Variants in RNF20 observed in about 807,000 individuals in gnomAD.
The protein encoded by RNF20 is E3 ubiquitin-protein ligase BRE1A.
Under a neutral mutation model 126.2 loss-of-function variants are expected in RNF20, and 84 were observed. The observed-to-expected ratio is 0.67, with a 90% CI of 0.56 to 0.80. The LOEUF (loss-of-function observed/expected upper bound fraction) is 0.80, where lower values mean the gene tolerates loss of function less well. Ranked by LOEUF, RNF20 falls within the 30% of genes least tolerant of loss-of-function variation. RNF20 has a pLI of 0.00. For synonymous variants in RNF20, 400 were observed against 414.3 expected, an observed-to-expected ratio of 0.97 and a Z score of 0.42; for missense variants, 869 against 1,188.2, an observed-to-expected ratio of 0.73 and a Z score of 3.95.
Position 101,541,633 on chromosome 9 carries a change from GATA to G in RNF20, c.628+662_628+664del, listed in dbSNP as rs1185049728. ...TGTATGTAGGCTATTGATTTATAGT[GATA>G]ATACTTTATTTTAAATAACAACTAT... is the stretch of plus-strand genomic sequence containing the variant. On this transcript the variant is annotated intron_variant, in intron 5 of 19. Transcript: ENST00000389120. 5.3e-5 allele frequency among the ~76,000 whole-genome samples: 8 copies of G among 152,050 alleles called. No homozygotes were observed. In the East Asian group the frequency reaches 7.7e-4, roughly 15 times the overall value.
intron 13 of RNF20, 33 bp downstream of exon 13, chr9:101,552,786 T>C: frequency 4.5e-6 from 7 of 1,554,088 alleles, no homozygotes; most frequent in African/African-American, 1.4e-5. Context: ...CAGTTTCGAC[T>C]GAAAAGCTAA....
intron 5 of RNF20, among the ~76,000 whole-genome samples, chr9:101,543,303 G>A (rs1259807620): frequency 3.3e-5 from 5 of 150,696 alleles, no homozygotes; most frequent in South Asian, 2.1e-4. Context: ...GTGCCAGGGC[G>A]GCACTGTCTA....
rs1475043320 is a variant in RNF20, at chr9:101,542,872, C to T, written c.629-1895C>T. ...AATAGCCATGCCATTATTTGTAACA[C>T]AAAAGGCAATTGCCATTGGTAAGCT... On this transcript the variant is annotated intron_variant, in intron 5 of 19. Transcript: ENST00000389120. Among the ~76,000 whole-genome samples the T allele has an allele frequency of 2.6e-5, 4 of 152,112 alleles. No individual in the cohort carries two copies. In the South Asian group the frequency reaches 6.2e-4, roughly 24 times the overall value.
chr9:101,562,550 C>T lies in RNF20; in HGVS notation c.*128C>T. ...ATCAGTCAACTACCTTTCCTCCAGA[C>T]TTTACTTCCAGGCTCTCCTCTTCAG... On this transcript the variant is annotated 3_prime_UTR_variant, in exon 20 of 20. Transcript: ENST00000389120. 1.2e-6 allele frequency: 1 copy of T among 842,006 alleles called. No homozygotes were observed. Among genetic ancestry groups the T allele is most frequent in the Non-Finnish European group, 1.8e-6 (1 of 564,536 alleles). 52.2% of individuals were successfully genotyped at this position (842,006 alleles called of 1,614,324 possible).
chr9:101,560,580 C>G, intron 16 of RNF20: 1 of 348,126 alleles, frequency 2.9e-6, no homozygotes. Flanking sequence ...TCTTTTCAGT[C>G]ATTTTTCAGA....
In RNF20 at chr9:101,559,005, T is replaced by C. The variant is rs757492992; in HGVS notation, c.2382+1409T>C. On this transcript the variant is annotated intron_variant, in intron 16 of 19. Coordinates refer to ENST00000389120, the MANE Select transcript of RNF20 (RefSeq NM_019592.7). Reference sequence around the variant, plus strand: ...ATTGTCTAGAAGGATTTTTCCAATATTGCTTTCTAGAATTTTTATGGTTTC... The same window carrying C: ...ATTGTCTAGAAGGATTTTTCCAATACTGCTTTCTAGAATTTTTATGGTTTC... 3.7e-4 allele frequency among the ~76,000 whole-genome samples: 56 copies of C among 152,210 alleles called. 1 individual carries two copies. Among genetic ancestry groups the C allele is most frequent in the Non-Finnish European group, 3.2e-4 (22 of 68,036 alleles).
intron 14 of RNF20, 99 bp from the exon 15 acceptor site, chr9:101,554,595 C>T (rs1827502014): frequency 1.0e-6 from 1 of 958,128 alleles, no homozygotes; most frequent in African/African-American, 1.7e-5. Flanking sequence ...TGTAAAGACT[C>T]TTTTGGTATT....
intron 13 of RNF20, among the ~76,000 whole-genome samples, chr9:101,553,719 T>C (rs1827485443): frequency 6.6e-6 from 1 of 152,186 alleles, no homozygotes; most frequent in African/African-American, 2.4e-5. Context: ...AATTTGCCTA[T>C]ATAACAAGTA....
At chr9:101,554,651 T>C (rs1374944233) in intron 14 of RNF20, 43 bp from the exon 15 acceptor site, 2 of 1,568,008 alleles carry the variant, frequency 1.3e-6, no homozygotes. Context: ...TTTGAAAATG[T>C]GTTATAACTT....
intron 2 of RNF20, 164 bp from the exon 3 acceptor site, chr9:101,540,039 G>A (rs963902446): frequency 7.6e-6 from 5 of 656,940 alleles, no homozygotes; most frequent in Non-Finnish European, 1.3e-5. Flanking sequence ...TATACCTGTT[G>A]TTTATCTCTT....
chr9:101,554,291 A>G (rs1435944637), intron 14 of RNF20, among the ~76,000 whole-genome samples, 186 bp downstream of exon 14: 1 of 152,232 alleles, frequency 6.6e-6, no homozygotes, highest in Non-Finnish European at 1.5e-5. Flanking sequence ...ATGGTAAAAT[A>G]TATCTGAATT....
rs1449400811 is a variant in RNF20 at position 101,544,768 on chromosome 9, T to C, written c.630T>C (p.Asp210=). Residue 210 remains aspartate (D), a splice_region_variant and synonymous_variant, in exon 6 of 20, where the codon GAT becomes GAC. Coordinates refer to ENST00000389120, the MANE Select transcript of RNF20 (RefSeq NM_019592.7). ...TAAAGTATAGTTCTTCTTCCCCAGA[T>C]AATCTGATAGTGGAGGAAGCAGTGC... ...ELLSRKLNSG[D]NLIVEEAVQE... is the part of the protein sequence containing the mutation. 3.2e-6 allele frequency: 5 copies of C among 1,579,816 alleles called. No homozygotes were observed. The highest frequency in any genetic ancestry group is 3.5e-6 in the Non-Finnish European group (4 of 1,149,308).
At chr9:101,537,437 A>C (rs1827201147) in intron 2 of RNF20, among the ~76,000 whole-genome samples, 1 of 152,152 alleles carries the variant, frequency 6.6e-6, no homozygotes, top group African/African-American at 2.4e-5. Flanking sequence ...GGGACATATA[A>C]GTTTGAGATA....
chr9:101,546,686 A>G lies in RNF20; in HGVS notation c.748-134A>G. On this transcript the variant is annotated intron_variant, in intron 6 of 19. Transcript: ENST00000389120. Reference sequence around the variant, plus strand: ...GAGGAATCCGTGATTTCATTTTTGTAATCATGCATTGGGAAGAGGGTGAAG... The same window carrying G: ...GAGGAATCCGTGATTTCATTTTTGTGATCATGCATTGGGAAGAGGGTGAAG... The G allele has an allele frequency of 5.2e-6, 4 of 775,848 alleles. No homozygotes were observed. The South Asian group carries it at 7.5e-5, about 15-fold the overall frequency. 48.1% of individuals were successfully genotyped at this position (775,848 alleles called of 1,614,324 possible).
intron 18 of RNF20, chr9:101,561,519 A>G (rs1178893210): frequency 9.4e-6 from 4 of 425,700 alleles, no homozygotes; most frequent in Admixed American, 8.4e-5. Context: ...GTTCTTGTAT[A>G]ATGTCTCTAT....
chr9:101,541,256 A>G (rs974835117), intron 5 of RNF20, among the ~76,000 whole-genome samples: 6 of 152,158 alleles, frequency 3.9e-5, no homozygotes, highest in Non-Finnish European at 8.8e-5. Flanking sequence ...CTTTTTGTAG[A>G]GAGGAAGTCT....
Position 101,552,896 on chromosome 9 carries a change from C to G in RNF20, c.1901+143C>G, listed in dbSNP as rs573971093. ...AATTAATTTGGTTTCAAGTCGTGTT[C>G]AAGTGCACAGCCAAAATGGCTTGCA... On this transcript the variant is annotated intron_variant, in intron 13 of 19. Transcript: ENST00000389120. 47 of 863,206 alleles carry G rather than the reference C, an allele frequency of 5.4e-5. No individual in the cohort carries two copies. In the African/African-American group the frequency reaches 7.7e-4, roughly 14 times the overall value. 53.5% of individuals were successfully genotyped at this position (863,206 alleles called of 1,614,324 possible).
Position 101,557,545 on chromosome 9 carries a change from TA to T in RNF20, c.2334del (p.Glu779LysfsTer11). 3 of 1,613,978 alleles carry T rather than the reference TA, an allele frequency of 1.9e-6. No individual in the cohort carries two copies. Among genetic ancestry groups the T allele is most frequent in the Non-Finnish European group, 2.5e-6 (3 of 1,179,914 alleles). The part of the protein sequence containing the change: ...IKSNQIHKLL[K>X]EEKEELADQV... ...AGTCCAATCAGATCCATAAGTTGCT[TA>T]AAGAAGAGAAGGAGGAGCTGGCAGA... is the stretch of plus-strand genomic sequence containing the variant. On this transcript the variant is annotated frameshift_variant, in exon 16 of 20. Coordinates refer to ENST00000389120, the MANE Select transcript of RNF20 (RefSeq NM_019592.7). LOFTEE classifies it high-confidence loss of function.
chr9:101,540,130 T>G, intron 2 of RNF20, 73 bp from the exon 3 acceptor site: 1 of 1,371,362 alleles, frequency 7.3e-7, no homozygotes, highest in Non-Finnish European at 1.0e-6. Context: ...TGAATAATTG[T>G]GACCTTGTTG....
Sources: gnomAD v4.1 joint callset for allele counts (sites outside exome capture counted in the v4.1 genomes callset) on GRCh38, gnomAD v4.1.1 for gene constraint, MANE v1.5 for transcripts, NCBI Gene and HGNC (gene_info 2026-07-23, HGNC 2026-07-21) for gene names.